The following DNER variants were observed in gnomAD, a reference collection of about 807,000 sequenced individuals.
The protein encoded by DNER is delta/notch like EGF repeat containing.
DNER carries 33 observed loss-of-function variants against 78.2 expected under a neutral mutation model. The ratio of observed to expected loss-of-function variants is 0.42; its 90% confidence interval spans 0.32 to 0.56. The LOEUF is 0.56. Ranked by LOEUF, DNER falls within the 20% of genes least tolerant of loss-of-function variation. The pLI, the probability that DNER is intolerant of heterozygous loss-of-function variation, is 0.11. For missense variants in DNER, 918 were observed against 975.3 expected (o/e 0.94, Z 0.78); for synonymous variants, 417 against 384.8 (o/e 1.08, Z -0.98).
Position 229,641,717 on chromosome 2 carries a change from A to T in DNER, c.277-49829T>A, listed in dbSNP as rs78071047. On this transcript the variant is annotated intron_variant, in intron 1 of 12. Coordinates refer to ENST00000341772, the MANE Select transcript of DNER (RefSeq NM_139072.4). ...ATATGCTAATGAATAGACTTCCAAG[A>T]AAAGAAATAAAAATCAAAAAGGAAA... is the stretch of plus-strand genomic sequence containing the variant. Among the ~76,000 whole-genome samples the T allele has an allele frequency of 2.3e-3, 350 of 152,336 alleles. 2 individuals carry two copies. The highest frequency in any genetic ancestry group is 8.0e-3 in the African/African-American group (334 of 41,584).
At chr2:229,625,458 AT>A (rs1337777605) in intron 1 of DNER, among the ~76,000 whole-genome samples, 2 of 152,172 alleles carry the variant, frequency 1.3e-5, no homozygotes, top group African/African-American at 4.8e-5. Context: ...CAAAGCTGTC[AT>A]GGCCAGAATG....
At chr2:229,670,327 T>C (rs755360860) in intron 1 of DNER, among the ~76,000 whole-genome samples, 9 of 152,160 alleles carry the variant, frequency 5.9e-5, no homozygotes, top group South Asian at 2.1e-4. Context: ...CTTCTCACAA[T>C]TGCACCTGTG....
At chr2:229,655,161 C>T (rs1372189172) in intron 1 of DNER, among the ~76,000 whole-genome samples, 1 of 152,082 alleles carries the variant, frequency 6.6e-6, no homozygotes, top group South Asian at 2.1e-4. Flanking sequence ...ATCACCACCA[C>T]CAACACCCCT....
At chr2:229,406,623 C>T (rs1243479756) in intron 10 of DNER, among the ~76,000 whole-genome samples, 1 of 152,132 alleles carries the variant, frequency 6.6e-6, no homozygotes, top group African/African-American at 2.4e-5. Flanking sequence ...ACGTACAAAC[C>T]ACATTTCACA....
At chr2:229,704,368 G>A (rs1028293492) in intron 1 of DNER, among the ~76,000 whole-genome samples, 1 of 152,142 alleles carries the variant, frequency 6.6e-6, no homozygotes, top group Non-Finnish European at 1.5e-5. Context: ...TTACTCAAGA[G>A]AAATGAAAAC....
intron 5 of DNER, among the ~76,000 whole-genome samples, chr2:229,522,079 C>T (rs913370157): frequency 2.6e-5 from 4 of 151,992 alleles, no homozygotes; most frequent in African/African-American, 9.7e-5. Flanking sequence ...AAATTCAGGA[C>T]TTGACATTCA....
At chr2:229,713,525 C>T (rs1699941373) in intron 1 of DNER, among the ~76,000 whole-genome samples, 1 of 152,216 alleles carries the variant, frequency 6.6e-6, no homozygotes, top group Non-Finnish European at 1.5e-5. Flanking sequence ...CGAATGCCTC[C>T]GACTGTTCCA....
In DNER at chr2:229,544,862, T is replaced by C. The variant is rs570337324; in HGVS notation, c.993+2085A>G. Among the ~76,000 whole-genome samples the C allele has an allele frequency of 3.3e-5, 5 of 152,296 alleles. No homozygotes were observed. In the South Asian group the frequency reaches 1.0e-3, roughly 32 times the overall value. Reference sequence around the variant, plus strand: ...AAATGCTATATTTAAGCAGCTGCAATATTACAGCTAACAGGAAAGTCACAG... The same window carrying C: ...AAATGCTATATTTAAGCAGCTGCAACATTACAGCTAACAGGAAAGTCACAG... On this transcript the variant is annotated intron_variant, in intron 5 of 12. Transcript: ENST00000341772.
intron 1 of DNER, among the ~76,000 whole-genome samples, chr2:229,617,335 T>C (rs183673694): frequency 1.3e-5 from 2 of 152,352 alleles, no homozygotes; most frequent in Admixed American, 6.5e-5. Context: ...TTTGCTTTGC[T>C]TCCCATTTAA....
chr2:229,460,735 T>C (rs12615146), intron 7 of DNER, among the ~76,000 whole-genome samples: 36,256 of 152,090 alleles, frequency 0.24, 5,118 homozygotes, highest in East Asian at 0.35. Context: ...TTAGCTACAA[T>C]GCATGTTACA....
chr2:229,510,267 A>C (rs372859984), intron 6 of DNER, among the ~76,000 whole-genome samples: 1 of 152,258 alleles, frequency 6.6e-6, no homozygotes. Flanking sequence ...CAATGTGAAG[A>C]AGAAGTTTAA....
At chr2:229,529,438 C>T (rs576878523) in intron 5 of DNER, among the ~76,000 whole-genome samples, 1 of 152,350 alleles carries the variant, frequency 6.6e-6, no homozygotes, top group South Asian at 2.1e-4. Flanking sequence ...AGACCCCTAC[C>T]ACACTTCCTC....
chr2:229,363,002 T>C (rs2106324673), intron 12 of DNER, among the ~76,000 whole-genome samples: 1 of 152,302 alleles, frequency 6.6e-6, no homozygotes. Context: ...ATGTCCTCCA[T>C]TGTCTTTTTC....
chr2:229,605,862 A>C (rs1037614601), intron 1 of DNER, among the ~76,000 whole-genome samples: 1 of 152,172 alleles, frequency 6.6e-6, no homozygotes, highest in African/African-American at 2.4e-5. Flanking sequence ...ACTGCACTCC[A>C]GCCTGGGTGA....
At chr2:229,590,722 T>G (rs577611653) in intron 2 of DNER, among the ~76,000 whole-genome samples, 1 of 152,226 alleles carries the variant, frequency 6.6e-6, no homozygotes, top group African/African-American at 2.4e-5. Flanking sequence ...CACCAGACTC[T>G]GAATCTGCCT....
intron 8 of DNER, among the ~76,000 whole-genome samples, chr2:229,425,752 T>C (rs948727402): frequency 6.6e-6 from 1 of 152,182 alleles, no homozygotes; most frequent in Non-Finnish European, 1.5e-5. Context: ...CTTTCACACT[T>C]CGTGCAACAA....
chr2:229,710,983 G>GCACACACACACACACA (rs34720917), intron 1 of DNER, among the ~76,000 whole-genome samples: 2 of 139,724 alleles, frequency 1.4e-5, no homozygotes, highest in African/African-American at 5.4e-5. Context: ...GCATACACGC[G>GCACACACACACACACA]CACACACACA....
At chr2:229,411,170 G>A (rs1462484557) in intron 9 of DNER, among the ~76,000 whole-genome samples, 3 of 152,170 alleles carry the variant, frequency 2.0e-5, no homozygotes, top group Non-Finnish European at 4.4e-5. Context: ...TTGTTCCCTG[G>A]CTAAGTGGAA....
intron 1 of DNER, among the ~76,000 whole-genome samples, chr2:229,665,907 C>T (rs1467052794): frequency 6.6e-6 from 1 of 152,080 alleles, no homozygotes; most frequent in African/African-American, 2.4e-5. Context: ...ACTGATTTTT[C>T]AATTCTAATC....
Sources: allele counts gnomAD v4.1 joint callset (sites outside exome capture counted in the v4.1 genomes callset), GRCh38; gene constraint gnomAD v4.1.1; transcripts MANE v1.5; gene names NCBI Gene and HGNC (gene_info 2026-07-23, HGNC 2026-07-21).